The following SV2C variants were observed in gnomAD, a reference collection of about 807,000 sequenced individuals.
SV2C encodes the protein synaptic vesicle glycoprotein 2C, also known as solute carrier family 22 member B3.
Under a neutral mutation model 79.7 loss-of-function variants are expected in SV2C, and 49 were observed. The observed-to-expected ratio is 0.61, with a 90% confidence interval of 0.49 to 0.78. SV2C has a LOEUF of 0.78. Among genes scored for constraint, SV2C ranks in the 30% least tolerant of loss-of-function variants. SV2C has a pLI of 0.00. For synonymous variants in SV2C, 334 were observed against 333.2 expected (o/e 1.00, Z -0.03); for missense variants, 833 against 912.9 (o/e 0.91, Z 1.13).
chr5:76,019,195 G>A, the SV2C span, among the ~76,000 whole-genome samples: 64,320 of 151,954 alleles, frequency 0.42, 16,221 homozygotes, highest in Middle Eastern at 0.58. Flanking sequence ...ATGGAGTTCT[G>A]GAAGCCAAGA....
the SV2C span, among the ~76,000 whole-genome samples, chr5:75,996,823 C>T: frequency 3.4e-4 from 50 of 148,642 alleles, 1 homozygote; most frequent in Admixed American, 2.5e-3. Flanking sequence ...GTGATTTTTG[C>T]GCATTGATTT....
intron 2 of SV2C, among the ~76,000 whole-genome samples, chr5:76,143,582 A>G (rs982890845): frequency 6.6e-6 from 1 of 152,116 alleles, no homozygotes; most frequent in Non-Finnish European, 1.5e-5. Context: ...TCTCAAATAC[A>G]TATTTCTACC....
At chr5:76,042,951 T>C in the SV2C span, among the ~76,000 whole-genome samples, 1,801 of 152,360 alleles carry the variant, frequency 0.012, 33 homozygotes, top group African/African-American at 0.036. Flanking sequence ...TGAACCTAGA[T>C]GGACTTTGAT....
At chr5:75,970,772 T>G in the SV2C span, among the ~76,000 whole-genome samples, 1 of 152,122 alleles carries the variant, frequency 6.6e-6, no homozygotes, top group Non-Finnish European at 1.5e-5. Context: ...CCATTCCTTC[T>G]GAAACTATTC....
intron 2 of SV2C, among the ~76,000 whole-genome samples, chr5:76,172,140 C>G (rs1261864171): frequency 3.1e-5 from 1 of 31,800 alleles, no homozygotes; most frequent in African/African-American, 2.6e-4. Context: ...GCCCGGCCAG[C>G]CGCCCCGTCT....
the SV2C span, among the ~76,000 whole-genome samples, chr5:75,953,580 C>T: frequency 6.6e-6 from 1 of 151,926 alleles, no homozygotes; most frequent in Non-Finnish European, 1.5e-5. Flanking sequence ...TGCCTCCATA[C>T]ATGAGTACTT....
the SV2C span, among the ~76,000 whole-genome samples, chr5:75,864,690 C>A: frequency 6.6e-6 from 1 of 152,186 alleles, no homozygotes; most frequent in Non-Finnish European, 1.5e-5. Flanking sequence ...GGGTCCCTCC[C>A]AGCATGGGAG....
At chr5:76,133,173 G>A (rs1010514069) in intron 2 of SV2C, among the ~76,000 whole-genome samples, 2 of 152,122 alleles carry the variant, frequency 1.3e-5, no homozygotes, top group African/African-American at 4.8e-5. Context: ...AGCAGTTTAA[G>A]GATCCACAGC....
the SV2C span, among the ~76,000 whole-genome samples, chr5:76,009,927 G>T: frequency 7.5e-3 from 1,084 of 144,774 alleles, 15 homozygotes; most frequent in African/African-American, 0.026. Flanking sequence ...TAAAATAAAA[G>T]AATAAATAAA....
At chr5:76,021,611 A>G in the SV2C span, among the ~76,000 whole-genome samples, 1 of 152,216 alleles carries the variant, frequency 6.6e-6, no homozygotes, top group Non-Finnish European at 1.5e-5. Flanking sequence ...AAAATGTGAA[A>G]TTACAAGTGA....
intron 1 of SV2C, chr5:76,091,851 A>G (rs538211145): frequency 9.4e-4 from 143 of 152,218 alleles, no homozygotes; most frequent in African/African-American, 3.2e-3. Flanking sequence ...GTATCAGAAT[A>G]CTCATCAGAA....
At chr5:75,933,180 C>A in the SV2C span, among the ~76,000 whole-genome samples, 4,653 of 152,228 alleles carry the variant, frequency 0.031, 235 homozygotes, top group African/African-American at 0.11. Context: ...CCTTTCCTAA[C>A]CCTACCCCCG....
the SV2C span, among the ~76,000 whole-genome samples, chr5:76,010,258 C>T: frequency 8.5e-5 from 13 of 152,170 alleles, no homozygotes; most frequent in African/African-American, 2.9e-4. Flanking sequence ...TTCATAATTA[C>T]GGGAGCCCAG....
the SV2C span, among the ~76,000 whole-genome samples, chr5:75,875,062 GCAA>G: frequency 8.2e-4 from 125 of 151,818 alleles, 1 homozygote; most frequent in South Asian, 0.013. Context: ...AACAACAACA[GCAA>G]CAACAACAAC....
At chr5:76,216,982 G>A (rs1284360468) in intron 4 of SV2C, among the ~76,000 whole-genome samples, 1 of 152,210 alleles carries the variant, frequency 6.6e-6, no homozygotes, top group African/African-American at 2.4e-5. Context: ...CAGATGAGGT[G>A]TTCTCCCCTG....
chr5:75,893,287 T>C, the SV2C span, among the ~76,000 whole-genome samples: 1 of 152,112 alleles, frequency 6.6e-6, no homozygotes, highest in Admixed American at 6.6e-5. Flanking sequence ...TTTTTGCTTG[T>C]TGATTTTTTT....
At chr5:75,912,144 A>G in the SV2C span, among the ~76,000 whole-genome samples, 1 of 152,232 alleles carries the variant, frequency 6.6e-6, no homozygotes, top group East Asian at 1.9e-4. Flanking sequence ...TACATTAACT[A>G]AAGTGGAACT....
chr5:75,995,751 C>T, the SV2C span, among the ~76,000 whole-genome samples: 1 of 152,032 alleles, frequency 6.6e-6, no homozygotes, highest in Non-Finnish European at 1.5e-5. Flanking sequence ...CTGTTATAAG[C>T]TTTAAGAAAA....
the SV2C span, among the ~76,000 whole-genome samples, chr5:75,946,526 C>CT: frequency 8.4e-4 from 127 of 152,076 alleles, no homozygotes; most frequent in Admixed American, 3.1e-3. Flanking sequence ...TTTTGTTCTC[C>CT]TTTTTTGAAA....
Sources: gnomAD v4.1 joint callset for allele counts (sites outside exome capture counted in the v4.1 genomes callset) on GRCh38, gnomAD v4.1.1 for gene constraint, MANE v1.5 for transcripts, NCBI Gene and HGNC (gene_info 2026-07-23, HGNC 2026-07-21) for gene names.